Variants in SLC35F3 observed in about 807,000 individuals in gnomAD.
The protein encoded by SLC35F3 is solute carrier family 35 member F3.
In SLC35F3, 25 loss-of-function variants were observed where a neutral mutation model predicts 49.9. That is an observed-to-expected ratio of 0.50 (90% CI 0.37 to 0.70). The LOEUF is 0.70. Among genes scored for constraint, SLC35F3 ranks in the 30% least tolerant of loss-of-function variants. SLC35F3 has a pLI of 0.00. For synonymous variants in SLC35F3, 275 were observed against 265.4 expected (o/e 1.04, Z -0.35); for missense variants, 525 against 639.8 (o/e 0.82, Z 1.94).
chr1:234,266,873 G>GTTTTTTTTTTTTTTTTTTTTT (rs34040004), intron 3 of SLC35F3, among the ~76,000 whole-genome samples: 10 of 108,644 alleles, frequency 9.2e-5, no homozygotes, highest in Non-Finnish European at 1.1e-4. Flanking sequence ...GAAGCACATG[G>GTTTTTTTTTTTTTTTTTTTTT]TTTTTTTTTT....
intron 2 of SLC35F3, among the ~76,000 whole-genome samples, chr1:234,114,930 A>G (rs1471900494): frequency 6.6e-6 from 1 of 152,264 alleles, no homozygotes; most frequent in East Asian, 1.9e-4. Flanking sequence ...TGTGGCTGTC[A>G]TTGTTTATAA....
At chr1:234,089,427 A>G (rs1665008909) in intron 2 of SLC35F3, among the ~76,000 whole-genome samples, 1 of 152,224 alleles carries the variant, frequency 6.6e-6, no homozygotes, top group Non-Finnish European at 1.5e-5. Flanking sequence ...TAGGAATGAT[A>G]GTGTTGGCCA....
intron 2 of SLC35F3, among the ~76,000 whole-genome samples, chr1:234,153,245 G>A (rs1267265396): frequency 6.6e-5 from 10 of 152,176 alleles, no homozygotes; most frequent in Admixed American, 1.3e-4. Flanking sequence ...AACTGGTGTG[G>A]AGCATTACAG....
intron 3 of SLC35F3, among the ~76,000 whole-genome samples, chr1:234,286,812 T>C (rs903601813): frequency 6.6e-6 from 1 of 152,222 alleles, no homozygotes; most frequent in African/African-American, 2.4e-5. Flanking sequence ...TGTCACGACA[T>C]GACAAAGGCG....
At chr1:234,311,772 G>A (rs898193387) in intron 4 of SLC35F3, among the ~76,000 whole-genome samples, 11 of 152,312 alleles carry the variant, frequency 7.2e-5, no homozygotes, top group Admixed American at 2.6e-4. Flanking sequence ...CTTTCTGTAC[G>A]TTCCCTGGTT....
intron 2 of SLC35F3, among the ~76,000 whole-genome samples, chr1:233,930,144 A>G (rs954214492): frequency 1.9e-5 from 2 of 105,074 alleles, no homozygotes; most frequent in African/African-American, 5.8e-5. Flanking sequence ...GTGAGACCCC[A>G]TTTCTTAAAA....
At chr1:234,301,836 A>G (rs1572142587) in intron 3 of SLC35F3, among the ~76,000 whole-genome samples, 1 of 152,252 alleles carries the variant, frequency 6.6e-6, no homozygotes, top group African/African-American at 2.4e-5. Flanking sequence ...CAGTACATAT[A>G]CACCATGGAA....
chr1:234,037,657 G>A (rs59884807), intron 2 of SLC35F3, among the ~76,000 whole-genome samples: 14 of 152,374 alleles, frequency 9.2e-5, no homozygotes, highest in African/African-American at 3.4e-4. Flanking sequence ...AGCCATGCGA[G>A]AGCATGCTGT....
At chr1:233,937,881 G>A (rs1241011099) in intron 2 of SLC35F3, among the ~76,000 whole-genome samples, 1 of 152,148 alleles carries the variant, frequency 6.6e-6, no homozygotes, top group Non-Finnish European at 1.5e-5. Context: ...GGAGAGGGGT[G>A]AGTGGAGGAT....
chr1:234,286,229 C>G (rs1421538942), intron 3 of SLC35F3, among the ~76,000 whole-genome samples: 2 of 152,150 alleles, frequency 1.3e-5, no homozygotes, highest in African/African-American at 4.8e-5. Context: ...GTGATAAGGG[C>G]AGAATTCAAA....
chr1:233,967,778 T>G (rs976613613), intron 2 of SLC35F3, among the ~76,000 whole-genome samples: 4 of 152,250 alleles, frequency 2.6e-5, no homozygotes, highest in Admixed American at 2.6e-4. Flanking sequence ...GTATTTATTC[T>G]GAGGCCTAAG....
intron 2 of SLC35F3, among the ~76,000 whole-genome samples, chr1:233,912,215 C>T (rs1661885808): frequency 6.6e-6 from 1 of 152,164 alleles, no homozygotes; most frequent in African/African-American, 2.4e-5. Flanking sequence ...CGCGGTGGCT[C>T]ATGCCTGTAA....
At chr1:233,998,601 G>C (rs538775990) in intron 2 of SLC35F3, among the ~76,000 whole-genome samples, 2 of 151,490 alleles carry the variant, frequency 1.3e-5, no homozygotes, top group South Asian at 2.1e-4. Flanking sequence ...CTATCAAAAA[G>C]AACAGTAATG....
intron 3 of SLC35F3, among the ~76,000 whole-genome samples, chr1:234,284,815 A>G (rs1373300327): frequency 8.5e-5 from 13 of 152,194 alleles, no homozygotes; most frequent in African/African-American, 3.1e-4. Context: ...GGAGCTTTGT[A>G]GAGAAAGGAG....
intron 2 of SLC35F3, among the ~76,000 whole-genome samples, chr1:233,998,982 T>G (rs57614109): frequency 0.14 from 21,102 of 152,122 alleles, 1,979 homozygotes; most frequent in East Asian, 0.41. Flanking sequence ...CTGATGGAGT[T>G]AAATAGGGTA....
rs141082656 is a variant in SLC35F3, at chr1:233,930,469, A to T, written c.283+24711A>T. 2.8e-4 allele frequency among the ~76,000 whole-genome samples: 43 copies of T among 152,330 alleles called. No homozygotes were observed. The Middle Eastern group carries it at 0.01, about 36-fold the overall frequency. On this transcript the variant is annotated intron_variant, in intron 2 of 7. Transcript: ENST00000366618. ...ATGAGAACTATTGAACAATTTATTC[A>T]TACGACCCTTATATTTTTATGTGGT...
intron 2 of SLC35F3, among the ~76,000 whole-genome samples, chr1:234,101,075 G>A (rs1280836059): frequency 2.0e-5 from 3 of 151,766 alleles, no homozygotes; most frequent in South Asian, 2.1e-4. Context: ...CCCTCTGCTT[G>A]GAATGCTTTC....
chr1:234,022,278 G>A (rs921402745), intron 2 of SLC35F3, among the ~76,000 whole-genome samples: 2 of 152,184 alleles, frequency 1.3e-5, no homozygotes, highest in Admixed American at 6.5e-5. Flanking sequence ...GTATGTGCAT[G>A]TATATGCATG....
chr1:234,012,103 G>A (rs1447382346), intron 2 of SLC35F3, among the ~76,000 whole-genome samples: 4 of 152,190 alleles, frequency 2.6e-5, no homozygotes, highest in Non-Finnish European at 5.9e-5. Context: ...TCATAATTAA[G>A]TTTAAGGGGA....
Sources: allele counts gnomAD v4.1 joint callset (sites outside exome capture counted in the v4.1 genomes callset), GRCh38; gene constraint gnomAD v4.1.1; transcripts MANE v1.5; gene names NCBI Gene and HGNC (gene_info 2026-07-23, HGNC 2026-07-21).